The following ZNF479 variants were observed in gnomAD, a reference collection of about 807,000 sequenced individuals.
ZNF479 encodes the protein zinc finger protein 479.
Under a neutral mutation model 14.7 loss-of-function variants are expected in ZNF479, and 15 were observed. The ratio of observed to expected loss-of-function variants is 1.02; its 90% CI spans 0.68 to 1.57. The LOEUF (loss-of-function observed/expected upper bound fraction) is 1.57. Ranked by LOEUF, ZNF479 falls within the 40% of genes most tolerant of loss-of-function variation. The probability of loss-of-function intolerance (pLI) is 0.00; values close to 1 mark genes in which losing one functional copy is unlikely to be tolerated. For missense variants in ZNF479, 506 were observed against 615.1 expected (o/e 0.82, Z 1.88); for synonymous variants, 145 against 211.5 (o/e 0.69, Z 2.73).
Position 57,126,008 on chromosome 7 carries a change from T to C in ZNF479, c.262+10A>G, listed in dbSNP as rs1438461869. ...CATCTGTCTCATCTGCTTCATTCGCTCTCACCTACCTGGGTGTTTGGCTAC... is the reference window on the plus strand; with the variant it reads ...CATCTGTCTCATCTGCTTCATTCGCCCTCACCTACCTGGGTGTTTGGCTAC... On this transcript the variant is annotated intron_variant, in intron 3 of 3. Coordinates refer to ENST00000319636, the MANE Select transcript of ZNF479 (RefSeq NM_001370129.2). 1 of 1,602,492 alleles carries C rather than the reference T, an allele frequency of 6.2e-7. No individual in the cohort carries two copies. The highest frequency in any genetic ancestry group is 8.5e-7 in the Non-Finnish European group (1 of 1,179,510).
chr7:57,125,792 G>A (rs1343399042), intron 3 of ZNF479, among the ~76,000 whole-genome samples: 3 of 152,218 alleles, frequency 2.0e-5, no homozygotes. Context: ...GGCTCACACT[G>A]TGAACTTGAA....
At chr7:57,124,298 G>A (rs1011170798) in intron 3 of ZNF479, among the ~76,000 whole-genome samples, 1 of 152,102 alleles carries the variant, frequency 6.6e-6, no homozygotes, top group Admixed American at 6.6e-5. Context: ...AAAATAGAAA[G>A]CCCAGCAATG....
At chr7:57,128,135 C>T (rs773322343) in intron 1 of ZNF479, among the ~76,000 whole-genome samples, 3 of 151,888 alleles carry the variant, frequency 2.0e-5, no homozygotes, top group Non-Finnish European at 4.4e-5. Flanking sequence ...GATGTTGTTC[C>T]ACCATGTTGG....
At chr7:57,138,540 T>C (rs566700580) in intron 1 of ZNF479, among the ~76,000 whole-genome samples, 1 of 152,144 alleles carries the variant, frequency 6.6e-6, no homozygotes, top group African/African-American at 2.4e-5. Flanking sequence ...TGGTGAGTCA[T>C]AGCTGGACTC....
rs1298587313 is a variant in ZNF479, at chr7:57,119,354, C to A, written c.*486G>T. On this transcript the variant is annotated 3_prime_UTR_variant, in exon 4 of 4. Transcript: ENST00000319636. ...TTCTAGGGTCTCTGTAATATAAGTT[C>A]TCTTAGGCTTTGGGAGGCTGACAAA... 3.3e-5 allele frequency among the ~76,000 whole-genome samples: 5 copies of A among 152,016 alleles called. No homozygotes were observed. The highest frequency in any genetic ancestry group is 9.7e-5 in the African/African-American group (4 of 41,396).
At chr7:57,127,584 C>A (rs4577907) in intron 1 of ZNF479, 324,361 of 977,560 alleles carry the variant, frequency 0.33, 56,199 homozygotes, top group East Asian at 0.53. Flanking sequence ...GGGTTTTTCC[C>A]AGTTTCTCTC....
chr7:57,135,156 G>C (rs1335351491), upstream of ZNF479, among the ~76,000 whole-genome samples: 1 of 152,178 alleles, frequency 6.6e-6, no homozygotes, highest in Non-Finnish European at 1.5e-5. Context: ...TGGCATACCT[G>C]GGTAAAGAAT....
rs1217755531 is a variant in ZNF479 at position 57,118,943 on chromosome 7, C to CT, written c.*896dup. On this transcript the variant is annotated 3_prime_UTR_variant, in exon 4 of 4. Transcript: ENST00000319636. ...AGAGTTTCTCACCAGTATGATTTCT[C>CT]TTTTTTAGAAAAGTTTGAGGTGTGC... Among the ~76,000 whole-genome samples, 1 of 152,124 alleles carries CT rather than the reference C, an allele frequency of 6.6e-6. No homozygotes were observed. Among genetic ancestry groups the CT allele is most frequent in the Non-Finnish European group, 1.5e-5 (1 of 68,012 alleles).
intron 1 of ZNF479, among the ~76,000 whole-genome samples, chr7:57,130,421 T>A (rs1468398907): frequency 6.6e-6 from 1 of 151,614 alleles, no homozygotes; most frequent in African/African-American, 2.4e-5. Flanking sequence ...TGCAGTGAGC[T>A]GAGACCGCAC....
rs1319387965 is a variant in ZNF479 at position 57,119,267 on chromosome 7, G to A, written c.*573C>T. ...CTTTTGTAGAGTTTCTCTCTAGAAT[G>A]AATGATCAGATAATATGTAAGGCCT... On this transcript the variant is annotated 3_prime_UTR_variant, in exon 4 of 4. Transcript: ENST00000319636. Among the ~76,000 whole-genome samples, 8 of 152,188 alleles carry A rather than the reference G, an allele frequency of 5.3e-5. No homozygotes were observed. Among genetic ancestry groups the A allele is most frequent in the Non-Finnish European group, 8.8e-5 (6 of 68,044 alleles).
At chr7:57,127,023 TTTC>T (rs374534910) in intron 1 of ZNF479, among the ~76,000 whole-genome samples, 29,734 of 136,318 alleles carry the variant, frequency 0.22, 3,288 homozygotes, top group East Asian at 0.43. Context: ...TTCTTTTTTT[TTTC>T]TTTTTTTTTT....
At chr7:57,139,279 T>A (rs573223320) in intron 1 of ZNF479, among the ~76,000 whole-genome samples, 2 of 152,278 alleles carry the variant, frequency 1.3e-5, no homozygotes, top group East Asian at 3.9e-4. Flanking sequence ...GACTCTCATA[T>A]GTGAACGCAG....
chr7:57,132,741 A>G (rs1322856505), upstream of ZNF479, among the ~76,000 whole-genome samples: 3 of 152,204 alleles, frequency 2.0e-5, no homozygotes, highest in African/African-American at 7.2e-5. Flanking sequence ...AAATTGAAAT[A>G]ATGACAATTA....
chr7:57,137,341 G>GA (rs1000706084), upstream of ZNF479, among the ~76,000 whole-genome samples: 211 of 151,748 alleles, frequency 1.4e-3, 3 homozygotes, highest in African/African-American at 4.8e-3. Flanking sequence ...TACTAAAAAA[G>GA]AAAAAAAAGA....
upstream of ZNF479, among the ~76,000 whole-genome samples, chr7:57,135,990 T>G (rs1425773308): frequency 6.6e-6 from 1 of 150,926 alleles, no homozygotes; most frequent in Non-Finnish European, 1.5e-5. Flanking sequence ...TCTCTCTCTC[T>G]CTCTCTCTCT....
chr7:57,124,230 C>T (rs1388390756), intron 3 of ZNF479, among the ~76,000 whole-genome samples: 1 of 151,906 alleles, frequency 6.6e-6, no homozygotes, highest in African/African-American at 2.4e-5. Context: ...TAATAAAAAG[C>T]TGCAATAACA....
chr7:57,125,120 G>T (rs1786101817), intron 3 of ZNF479, among the ~76,000 whole-genome samples: 1 of 152,098 alleles, frequency 6.6e-6, no homozygotes, highest in African/African-American at 2.4e-5. Flanking sequence ...TAATAAAAAA[G>T]ATATACAAAT....
At chr7:57,125,217 A>C (rs1302132605) in intron 3 of ZNF479, among the ~76,000 whole-genome samples, 1 of 152,222 alleles carries the variant, frequency 6.6e-6, no homozygotes, top group Non-Finnish European at 1.5e-5. Flanking sequence ...AAATCACCTT[A>C]CATCAATTAG....
chr7:57,131,578 ACAAAC>A lies in ZNF479; in HGVS notation c.39+703_39+707del, dbSNP rs1786421881. Among the ~76,000 whole-genome samples, 49 of 132,870 alleles carry A rather than the reference ACAAAC, an allele frequency of 3.7e-4. 3 individuals are homozygous for A. Among genetic ancestry groups the A allele is most frequent in the African/African-American group, 1.1e-3 (42 of 38,452 alleles). The allele number at this position is 132,870 out of a possible 152,430, so 87.2% of individuals were successfully genotyped here. ...ACTCCCTCTCAAAAATAAAAAACAA[ACAAAC>A]AAACAAAAAAAAAACATTTCTTGTA... On this transcript the variant is annotated intron_variant, in intron 1 of 3. Transcript: ENST00000319636.
Sources: allele counts gnomAD v4.1 joint callset (sites outside exome capture counted in the v4.1 genomes callset), GRCh38; gene constraint gnomAD v4.1.1; transcripts MANE v1.5; gene names NCBI Gene and HGNC (gene_info 2026-07-23, HGNC 2026-07-21).